Variants in AGBL1 observed in about 807,000 individuals in gnomAD.
The protein encoded by AGBL1 is cytosolic carboxypeptidase 4.
A neutral mutation model predicts 118.9 loss-of-function variants in AGBL1; 130 were observed. The ratio of observed to expected loss-of-function variants is 1.09; its 90% confidence interval spans 0.95 to 1.26. The LOEUF is 1.26. Ranked by LOEUF, AGBL1 falls within the 50% of genes most tolerant of loss-of-function variation. AGBL1 has a pLI of 0.00. For synonymous variants in AGBL1, 555 were observed against 478.9 expected (o/e 1.16, Z -2.08); for missense variants, 1,584 against 1,298.1 (o/e 1.22, Z -3.38).
chr15:86,164,428 C>A (rs900002069), intron 5 of AGBL1, among the ~76,000 whole-genome samples: 2 of 152,172 alleles, frequency 1.3e-5, no homozygotes, highest in Non-Finnish European at 2.9e-5. Context: ...TACTTGTCTG[C>A]GAATGACTCA....
intron 21 of AGBL1, among the ~76,000 whole-genome samples, chr15:86,555,484 T>C (rs1395417039): frequency 2.0e-5 from 3 of 152,106 alleles, no homozygotes; most frequent in South Asian, 2.1e-4. Flanking sequence ...TAGTCGAAGA[T>C]TTTTTTTAAC....
chr15:86,754,578 C>T (rs1410585360), intron 22 of AGBL1, among the ~76,000 whole-genome samples: 1 of 151,994 alleles, frequency 6.6e-6, no homozygotes, highest in African/African-American at 2.4e-5. Flanking sequence ...TAATCCCTGA[C>T]AGAGATTCCT....
At chr15:86,719,417 A>G (rs548269922) in intron 22 of AGBL1, among the ~76,000 whole-genome samples, 54 of 152,288 alleles carry the variant, frequency 3.5e-4, no homozygotes, top group South Asian at 2.7e-3. Flanking sequence ...CCACTAATCT[A>G]AAAAGAAAAA....
At chr15:86,474,163 G>A (rs1401040317) in intron 18 of AGBL1, among the ~76,000 whole-genome samples, 2 of 152,314 alleles carry the variant, frequency 1.3e-5, no homozygotes, top group African/African-American at 4.8e-5. Context: ...GCAGAAGACA[G>A]GTGATTTCTG....
chr15:87,006,182 C>T (rs1463706296), intron 24 of AGBL1, among the ~76,000 whole-genome samples: 1 of 152,188 alleles, frequency 6.6e-6, no homozygotes, highest in Non-Finnish European at 1.5e-5. Flanking sequence ...TCTTAGATCT[C>T]CAGCTGCATG....
At chr15:86,945,594 G>C (rs895355352) in intron 23 of AGBL1, among the ~76,000 whole-genome samples, 1 of 152,106 alleles carries the variant, frequency 6.6e-6, no homozygotes, top group Non-Finnish European at 1.5e-5. Flanking sequence ...GATCACTTGA[G>C]CCTGGAAGGC....
chr15:86,450,056 C>A (rs2082174274), intron 18 of AGBL1, among the ~76,000 whole-genome samples: 1 of 152,182 alleles, frequency 6.6e-6, no homozygotes, highest in Admixed American at 6.5e-5. Flanking sequence ...TTATAAGTAC[C>A]CCTGCCATCA....
chr15:86,681,719 G>A (rs970211480), intron 22 of AGBL1, among the ~76,000 whole-genome samples: 1 of 152,166 alleles, frequency 6.6e-6, no homozygotes, highest in Non-Finnish European at 1.5e-5. Context: ...ATGTAGAGAG[G>A]TCCTCTTGTT....
At chr15:86,904,990 A>G (rs1177513661) in intron 22 of AGBL1, among the ~76,000 whole-genome samples, 1 of 152,190 alleles carries the variant, frequency 6.6e-6, no homozygotes, top group Non-Finnish European at 1.5e-5. Flanking sequence ...TGATAAAAAT[A>G]AATTAATTTG....
At position 86,226,166 on chromosome 15, in the gene AGBL1, T is replaced by C. The variant is rs567077486; in HGVS notation, c.526+1215T>C. Among the ~76,000 whole-genome samples the C allele has an allele frequency of 2.0e-5, 3 of 152,112 alleles. No individual in the cohort carries two copies. The South Asian group carries it at 6.2e-4, about 32-fold the overall frequency. ...CTGGAGATAGGAAGGGATGGAAAAG[T>C]GTTACTGTGGGTTCTGGGGAGAGGA... On this transcript the variant is annotated intron_variant, in intron 6 of 22. Transcript: ENST00000614907.
intron 21 of AGBL1, among the ~76,000 whole-genome samples, chr15:86,670,440 C>T (rs1206302806): frequency 1.3e-5 from 2 of 151,786 alleles, no homozygotes; most frequent in Non-Finnish European, 2.9e-5. Context: ...CCTGTCTCTA[C>T]TCAAAATACA....
intron 21 of AGBL1, among the ~76,000 whole-genome samples, chr15:86,561,228 T>C (rs2083814933): frequency 6.6e-6 from 1 of 152,240 alleles, no homozygotes; most frequent in South Asian, 2.1e-4. Context: ...ATGTCCTGAA[T>C]GGTATTGCCT....
intron 23 of AGBL1, among the ~76,000 whole-genome samples, chr15:86,974,704 A>C (rs2081155232): frequency 6.6e-6 from 1 of 150,766 alleles, no homozygotes; most frequent in African/African-American, 2.4e-5. Context: ...CAGTGATCAG[A>C]ACAGAGAGGA....
Position 86,803,978 on chromosome 15 carries a change from C to T in AGBL1, c.3159-103109C>T, listed in dbSNP as rs547032071. On this transcript the variant is annotated intron_variant, in intron 22 of 22. Coordinates refer to ENST00000614907, the MANE Select transcript of AGBL1 (RefSeq NM_001386094.1). ...TAATTAACCTTGGCATAGGGAAAGA[C>T]AATATGGACTAGTGCTTATAACAAG... is the stretch of plus-strand genomic sequence containing the variant. 2.2e-4 allele frequency among the ~76,000 whole-genome samples: 33 copies of T among 151,962 alleles called. No individual in the cohort carries two copies. In the South Asian group the frequency reaches 6.8e-3, roughly 32 times the overall value.
chr15:86,863,779 T>C (rs1438889734), intron 22 of AGBL1, among the ~76,000 whole-genome samples: 1 of 152,184 alleles, frequency 6.6e-6, no homozygotes, highest in Non-Finnish European at 1.5e-5. Context: ...CAACAGCTTC[T>C]AAAGGAAAAC....
At chr15:86,440,192 C>T (rs1268775267) in intron 18 of AGBL1, among the ~76,000 whole-genome samples, 1 of 152,064 alleles carries the variant, frequency 6.6e-6, no homozygotes, top group South Asian at 2.1e-4. Context: ...CTTTGAAAAT[C>T]ATTCATTGGG....
intron 18 of AGBL1, among the ~76,000 whole-genome samples, chr15:86,490,996 T>C (rs1357088856): frequency 6.6e-6 from 1 of 152,172 alleles, no homozygotes. Context: ...GAGCATTTAC[T>C]CTTTCTAGGC....
At chr15:86,619,279 A>G (rs1281857059) in intron 21 of AGBL1, among the ~76,000 whole-genome samples, 1 of 151,894 alleles carries the variant, frequency 6.6e-6, no homozygotes, top group East Asian at 1.9e-4. Flanking sequence ...TTTACCAGTG[A>G]CCCATCTACA....
chr15:86,136,802 CAT>C (rs932022240), intron 1 of AGBL1, among the ~76,000 whole-genome samples: 1 of 152,104 alleles, frequency 6.6e-6, no homozygotes. Flanking sequence ...AACAGGGACA[CAT>C]AGAAGATTTT....
Sources: allele counts gnomAD v4.1 joint callset (sites outside exome capture counted in the v4.1 genomes callset), GRCh38; gene constraint gnomAD v4.1.1; transcripts MANE v1.5; gene names NCBI Gene and HGNC (gene_info 2026-07-23, HGNC 2026-07-21).